The following ATRNL1 variants were observed in gnomAD, a reference collection of about 807,000 sequenced individuals.
The protein encoded by ATRNL1 is attractin-like protein 1.
Under a neutral mutation model 182.7 loss-of-function variants are expected in ATRNL1, and 95 were observed. That is an observed-to-expected ratio of 0.52 (90% CI 0.44 to 0.62). ATRNL1 has a LOEUF of 0.62. ATRNL1 is among the 20% of genes least tolerant of loss of function. The pLI is 0.00. For missense variants in ATRNL1, 1,471 were observed against 1,679.5 expected (o/e 0.88, Z 2.17); for synonymous variants, 576 against 568.3 (o/e 1.01, Z -0.19).
At chr10:115,717,758 G>C (rs918671244) in intron 26 of ATRNL1, among the ~76,000 whole-genome samples, 1 of 151,820 alleles carries the variant, frequency 6.6e-6, no homozygotes, top group South Asian at 2.1e-4. Flanking sequence ...CACCATGTCA[G>C]TTGGCCAGTA....
At chr10:115,307,504 T>A (rs1853794067) in intron 17 of ATRNL1, among the ~76,000 whole-genome samples, 1 of 152,110 alleles carries the variant, frequency 6.6e-6, no homozygotes, top group Admixed American at 6.5e-5. Flanking sequence ...TCAAGTAATC[T>A]GCCCACCTTG....
chr10:115,551,306 C>G (rs1852972107), intron 26 of ATRNL1, among the ~76,000 whole-genome samples: 1 of 151,540 alleles, frequency 6.6e-6, no homozygotes, highest in Non-Finnish European at 1.5e-5. Flanking sequence ...ATCAGGTGCT[C>G]TGGCAAGTTG....
intron 18 of ATRNL1, among the ~76,000 whole-genome samples, chr10:115,329,623 G>A (rs1467005840): frequency 1.3e-5 from 2 of 152,026 alleles, no homozygotes; most frequent in African/African-American, 4.8e-5. Context: ...CCCTTTATCA[G>A]TAAGTATTGA....
At chr10:115,155,454 A>G (rs1846466619) in intron 5 of ATRNL1, among the ~76,000 whole-genome samples, 1 of 152,150 alleles carries the variant, frequency 6.6e-6, no homozygotes, top group Admixed American at 6.6e-5. Context: ...CTCATTTTAT[A>G]TTTAGAAAAA....
At chr10:115,298,374 A>C (rs1037640253) in intron 15 of ATRNL1, among the ~76,000 whole-genome samples, 4 of 152,290 alleles carry the variant, frequency 2.6e-5, no homozygotes, top group African/African-American at 9.6e-5. Flanking sequence ...TTACTGAGTA[A>C]TAGTTACTTT....
At chr10:115,499,799 G>A (rs144159704) in intron 24 of ATRNL1, among the ~76,000 whole-genome samples, 1 of 152,302 alleles carries the variant, frequency 6.6e-6, no homozygotes, top group African/African-American at 2.4e-5. Context: ...TGGGAGGCTG[G>A]TTGGCCCTAA....
At chr10:115,378,560 G>C (rs1343248036) in intron 19 of ATRNL1, among the ~76,000 whole-genome samples, 1 of 152,182 alleles carries the variant, frequency 6.6e-6, no homozygotes, top group Non-Finnish European at 1.5e-5. Flanking sequence ...GCTTCTCACA[G>C]TGGCAGAGGA....
At chr10:115,690,069 G>A (rs1398739795) in intron 26 of ATRNL1, among the ~76,000 whole-genome samples, 3 of 152,168 alleles carry the variant, frequency 2.0e-5, no homozygotes, top group Admixed American at 1.3e-4. Flanking sequence ...TACAGAATTT[G>A]CACTACTGCT....
At chr10:115,249,522 A>G (rs2133838852) in intron 10 of ATRNL1, among the ~76,000 whole-genome samples, 1 of 152,234 alleles carries the variant, frequency 6.6e-6, no homozygotes, top group Middle Eastern at 3.4e-3. Flanking sequence ...ACGTGTAAAT[A>G]GTTTTGATGG....
intron 20 of ATRNL1, among the ~76,000 whole-genome samples, chr10:115,395,046 A>G (rs1317373807): frequency 6.6e-6 from 1 of 151,802 alleles, no homozygotes; most frequent in Non-Finnish European, 1.5e-5. Flanking sequence ...AGCAGTTCCC[A>G]GTGTCTGTTG....
intron 24 of ATRNL1, among the ~76,000 whole-genome samples, chr10:115,487,307 A>G (rs1554975406): frequency 6.6e-6 from 1 of 152,094 alleles, no homozygotes; most frequent in Non-Finnish European, 1.5e-5. Context: ...TGGGGATAGC[A>G]TTGACTCTAT....
chr10:115,508,201 G>A (rs990390671), intron 24 of ATRNL1, among the ~76,000 whole-genome samples: 2 of 151,896 alleles, frequency 1.3e-5, no homozygotes, highest in African/African-American at 4.8e-5. Context: ...TTGTTTTGGG[G>A]TGCCAAAAAC....
chr10:115,869,030 C>T (rs1019966237), intron 28 of ATRNL1, among the ~76,000 whole-genome samples: 12 of 151,946 alleles, frequency 7.9e-5, no homozygotes, highest in African/African-American at 1.2e-4. Context: ...GGGGTTTCAC[C>T]ATGTTGGCCA....
At chr10:115,512,685 TGGGGAAA>T (rs1850448135) in intron 24 of ATRNL1, among the ~76,000 whole-genome samples, 1 of 151,966 alleles carries the variant, frequency 6.6e-6, no homozygotes, top group East Asian at 1.9e-4. Flanking sequence ...TACATTTTAG[TGGGGAAA>T]AGACATTTTA....
At chr10:115,733,256 T>G in intron 27 of ATRNL1, among the ~76,000 whole-genome samples, 1 of 152,298 alleles carries the variant, frequency 6.6e-6, no homozygotes, top group East Asian at 1.9e-4. Context: ...TTAACTACTT[T>G]ATACCAGAAT....
At chr10:115,132,391 A>G (rs1354842637) in intron 5 of ATRNL1, among the ~76,000 whole-genome samples, 1 of 152,100 alleles carries the variant, frequency 6.6e-6, no homozygotes, top group Non-Finnish European at 1.5e-5. Context: ...CAATAAACAT[A>G]TGTGTGCATG....
intron 21 of ATRNL1, among the ~76,000 whole-genome samples, chr10:115,447,389 T>C (rs1847054399): frequency 6.6e-6 from 1 of 151,822 alleles, no homozygotes; most frequent in Non-Finnish European, 1.5e-5. Context: ...ATTATGCTAA[T>C]GTTATTTGTT....
chr10:115,157,198 A>AC, intron 5 of ATRNL1, among the ~76,000 whole-genome samples: 1 of 152,272 alleles, frequency 6.6e-6, no homozygotes, highest in Admixed American at 6.5e-5. Context: ...TTACATGTAG[A>AC]CCATAAATGT....
At chr10:115,498,582 T>G (rs1849666482) in intron 24 of ATRNL1, among the ~76,000 whole-genome samples, 1 of 152,034 alleles carries the variant, frequency 6.6e-6, no homozygotes, top group African/African-American at 2.4e-5. Context: ...ACCTCACTGT[T>G]ACTACATTCT....
Sources: allele counts gnomAD v4.1 joint callset (sites outside exome capture counted in the v4.1 genomes callset), GRCh38; gene constraint gnomAD v4.1.1; transcripts MANE v1.5; gene names NCBI Gene and HGNC (gene_info 2026-07-23, HGNC 2026-07-21).